Variants in ERC1 observed in about 807,000 individuals in gnomAD.
The protein encoded by ERC1 is ELKS/RAB6-interacting/CAST family member 1.
A neutral mutation model predicts 132.0 loss-of-function variants in ERC1; 56 were observed. The ratio of observed to expected loss-of-function variants is 0.42; its 90% CI spans 0.34 to 0.53. The LOEUF (loss-of-function observed/expected upper bound fraction) is 0.53. Among genes scored for constraint, ERC1 ranks in the 20% least tolerant of loss-of-function variants. The pLI is 0.03. For synonymous variants in ERC1, 478 were observed against 476.1 expected, an observed-to-expected ratio of 1.00 and a Z score of -0.05; for missense variants, 1,202 against 1,349.9, an observed-to-expected ratio of 0.89 and a Z score of 1.72.
intron 8 of ERC1, among the ~76,000 whole-genome samples, chr12:1,144,050 A>T (rs531126583): frequency 6.6e-6 from 1 of 152,034 alleles, no homozygotes; most frequent in Non-Finnish European, 1.5e-5. Flanking sequence ...TTCAGTTTTA[A>T]TGTATGTGCC....
At chr12:1,461,014 A>G (rs904176325) in intron 18 of ERC1, among the ~76,000 whole-genome samples, 6 of 140,022 alleles carry the variant, frequency 4.3e-5, no homozygotes, top group African/African-American at 1.6e-4. Flanking sequence ...ATAGACCAAG[A>G]TAATATATTA....
At chr12:1,379,508 C>T (rs1223403565) in intron 16 of ERC1, among the ~76,000 whole-genome samples, 6 of 152,146 alleles carry the variant, frequency 3.9e-5, no homozygotes, top group Non-Finnish European at 4.4e-5. Flanking sequence ...AAAGCCACAC[C>T]GGCGTTTGAA....
In ERC1 at chr12:1,112,236, C is replaced by G. The variant is rs996808909; in HGVS notation, c.1339C>G (p.Leu447Val). 7 of 1,612,286 alleles carry G rather than the reference C, an allele frequency of 4.3e-6. No homozygotes were observed. The African/African-American group carries it at 9.3e-5, about 22-fold the overall frequency. ...KNKVEQLKEE[L>V]SSKEAQWEEL... ...ACAGGTAGAACAACTGAAGGAGGAA[C>G]TAAGTTCGAAAGAGGCTCAATGGGA... is the stretch of plus-strand genomic sequence containing the variant. The change falls in exon 6 of 19, where the codon CTA (leucine) becomes GTA (valine). Residue 447 changes from leucine (L) to valine (V), a missense_variant. Leu to Val is a conservative substitution (Grantham distance 32). Transcript: ENST00000360905.
chr12:1,241,558 C>G lies in ERC1; in HGVS notation c.2487+4654C>G, dbSNP rs147813915. Among the ~76,000 whole-genome samples, 442 of 152,224 alleles carry G rather than the reference C, an allele frequency of 2.9e-3. 4 individuals are homozygous for G. The highest frequency in any genetic ancestry group is 0.02 in the Middle Eastern group (6 of 294). On this transcript the variant is annotated intron_variant, in intron 13 of 18. Transcript: ENST00000360905. Reference sequence around the variant, plus strand: ...AATATCCATTTGCAACAGAGTCAAGCATACTAGTTTCTTTTAGTTCTTTAG... The same window carrying G: ...AATATCCATTTGCAACAGAGTCAAGGATACTAGTTTCTTTTAGTTCTTTAG...
chr12:1,009,693 G>GA (rs1402344691), intron 1 of ERC1, among the ~76,000 whole-genome samples: 16 of 152,056 alleles, frequency 1.1e-4, no homozygotes, highest in African/African-American at 3.9e-4. Context: ...TAGAAAAAAA[G>GA]AAACATAATT....
At chr12:1,333,574 A>G (rs537986807) in intron 15 of ERC1, among the ~76,000 whole-genome samples, 80 of 151,634 alleles carry the variant, frequency 5.3e-4, no homozygotes, top group Non-Finnish European at 7.8e-4. Flanking sequence ...CTCATGATCC[A>G]CCCATCTCAG....
chr12:1,048,489 C>T (rs1971425422), intron 2 of ERC1, among the ~76,000 whole-genome samples: 1 of 152,116 alleles, frequency 6.6e-6, no homozygotes, highest in Admixed American at 6.5e-5. Flanking sequence ...TCATTGGCTT[C>T]AGAGGATCTT....
At chr12:1,318,306 G>A (rs943701657) in intron 15 of ERC1, among the ~76,000 whole-genome samples, 1 of 152,128 alleles carries the variant, frequency 6.6e-6, no homozygotes, top group African/African-American at 2.4e-5. Flanking sequence ...AACCCTATGG[G>A]TATAACTAGG....
chr12:1,462,469 A>G (rs1005502383), intron 18 of ERC1, among the ~76,000 whole-genome samples: 9 of 152,248 alleles, frequency 5.9e-5, no homozygotes, highest in African/African-American at 2.2e-4. Flanking sequence ...AAATGATCAT[A>G]TATCATTAAT....
chr12:1,025,794 GTTTTTTT>G (rs1172351394), intron 1 of ERC1, among the ~76,000 whole-genome samples: 1 of 127,594 alleles, frequency 7.8e-6, no homozygotes, highest in South Asian at 2.5e-4. Flanking sequence ...AAAAAGGAAA[GTTTTTTT>G]TTTTTTTTTT....
At chr12:1,340,441 C>G (rs770409868) in intron 15 of ERC1, among the ~76,000 whole-genome samples, 13 of 152,204 alleles carry the variant, frequency 8.5e-5, no homozygotes, top group Non-Finnish European at 1.5e-4. Flanking sequence ...CCTTGCTTCT[C>G]TAAGCAGCTC....
At chr12:1,180,931 C>T (rs1382617829) in intron 9 of ERC1, among the ~76,000 whole-genome samples, 1 of 151,984 alleles carries the variant, frequency 6.6e-6, no homozygotes, top group Non-Finnish European at 1.5e-5. Flanking sequence ...CCTGCCTCAG[C>T]CTCCCGAGTA....
At chr12:1,261,202 T>C (rs540651845) in intron 13 of ERC1, among the ~76,000 whole-genome samples, 1 of 152,232 alleles carries the variant, frequency 6.6e-6, no homozygotes, top group Non-Finnish European at 1.5e-5. Flanking sequence ...TATTTGGAAT[T>C]AACTGTTTGA....
At chr12:1,441,520 G>A (rs2093155075) in intron 17 of ERC1, among the ~76,000 whole-genome samples, 1 of 152,082 alleles carries the variant, frequency 6.6e-6, no homozygotes, top group Non-Finnish European at 1.5e-5. Context: ...CTTTCTTCGT[G>A]GTCATACTTT....
chr12:1,433,601 C>T (rs1368062051), intron 17 of ERC1, among the ~76,000 whole-genome samples: 2 of 152,178 alleles, frequency 1.3e-5, no homozygotes, highest in Non-Finnish European at 2.9e-5. Flanking sequence ...GGATGGTTTG[C>T]TAGCTGGAGG....
rs143095998 is a variant in ERC1 at position 1,382,231 on chromosome 12, A to T, written c.2925+10254A>T. Among the ~76,000 whole-genome samples, 11 of 152,358 alleles carry T rather than the reference A, an allele frequency of 7.2e-5. No homozygotes were observed. The East Asian group carries it at 2.1e-3, about 29-fold the overall frequency. ...TCACATTTTACAAAGTACTATTCAG[A>T]TACTTAATAGCGCCTAACCCTAGGG... On this transcript the variant is annotated intron_variant, in intron 16 of 18. Coordinates refer to ENST00000360905, the MANE Select transcript of ERC1 (RefSeq NM_178040.4).
intron 3 of ERC1, among the ~76,000 whole-genome samples, chr12:1,095,111 A>G (rs1276502078): frequency 6.6e-6 from 1 of 152,158 alleles, no homozygotes; most frequent in Non-Finnish European, 1.5e-5. Flanking sequence ...TTTTACAAAG[A>G]AACAACTAGG....
intron 2 of ERC1, among the ~76,000 whole-genome samples, chr12:1,032,297 C>T (rs1968191853): frequency 1.3e-5 from 2 of 152,176 alleles, no homozygotes; most frequent in East Asian, 3.8e-4. Context: ...GATCCGCCTG[C>T]CTTGGCCTCC....
intron 1 of ERC1, among the ~76,000 whole-genome samples, chr12:1,002,254 G>T (rs995204850): frequency 1.4e-4 from 18 of 130,886 alleles, no homozygotes; most frequent in African/African-American, 4.6e-4. Context: ...GCTCACTGCA[G>T]CCTTGACCTT....
Sources: gnomAD v4.1 joint callset for allele counts (sites outside exome capture counted in the v4.1 genomes callset) on GRCh38, gnomAD v4.1.1 for gene constraint, MANE v1.5 for transcripts, NCBI Gene and HGNC (gene_info 2026-07-23, HGNC 2026-07-21) for gene names.